Variants in ZNF385D observed in about 807,000 individuals in gnomAD.
The protein encoded by ZNF385D is zinc finger protein 385D.
In ZNF385D, 15 loss-of-function variants were observed where a neutral mutation model predicts 35.8. The ratio of observed to expected loss-of-function variants is 0.42; its 90% CI spans 0.28 to 0.64. The LOEUF is 0.64. ZNF385D is among the 30% of genes least tolerant of loss of function. The probability of loss-of-function intolerance (pLI) is 0.23; values close to 1 mark genes in which losing one functional copy is unlikely to be tolerated. For synonymous variants in ZNF385D, 212 were observed against 186.8 expected, an observed-to-expected ratio of 1.13 and a Z score of -1.10; for missense variants, 474 against 494.6, an observed-to-expected ratio of 0.96 and a Z score of 0.39.
chr3:22,371,946 G>A (rs902947865), intron 2 of ZNF385D, among the ~76,000 whole-genome samples: 3 of 152,084 alleles, frequency 2.0e-5, no homozygotes, highest in African/African-American at 7.2e-5. Context: ...AGAAGAAGAA[G>A]GAAATGAAAA....
intron 3 of ZNF385D, among the ~76,000 whole-genome samples, chr3:22,084,484 C>T (rs932415731): frequency 1.3e-5 from 2 of 152,008 alleles, no homozygotes; most frequent in African/African-American, 4.8e-5. Flanking sequence ...ACAAAGAAGG[C>T]CATTACATAA....
chr3:22,037,743 T>C (rs534150290), intron 3 of ZNF385D, among the ~76,000 whole-genome samples: 407 of 152,246 alleles, frequency 2.7e-3, no homozygotes, highest in Middle Eastern at 0.014. Flanking sequence ...TTGGCTTTTG[T>C]TGTCATTGCT....
At chr3:21,421,538 A>G in intron 7 of ZNF385D, 91 bp from the exon 8 acceptor site, 2 of 786,296 alleles carry the variant, frequency 2.5e-6, no homozygotes, top group African/African-American at 3.5e-5. Flanking sequence ...AAAATATAGC[A>G]GTAAACAACT....
At chr3:22,215,761 C>G (rs1034303970) in intron 2 of ZNF385D, among the ~76,000 whole-genome samples, 1 of 151,848 alleles carries the variant, frequency 6.6e-6, no homozygotes, top group Admixed American at 6.6e-5. Context: ...TTTGTACACA[C>G]CCTCCCCTTT....
At chr3:22,028,247 G>C (rs1288704004) in intron 3 of ZNF385D, among the ~76,000 whole-genome samples, 2 of 152,154 alleles carry the variant, frequency 1.3e-5, no homozygotes, top group African/African-American at 2.4e-5. Flanking sequence ...CTCAGCAGAA[G>C]AGAATTTTAA....
intron 2 of ZNF385D, among the ~76,000 whole-genome samples, chr3:22,301,142 A>G (rs1389687996): frequency 6.6e-6 from 1 of 152,078 alleles, no homozygotes; most frequent in African/African-American, 2.4e-5. Flanking sequence ...AACAGAGATG[A>G]ACCTGGAGGT....
intron 2 of ZNF385D, among the ~76,000 whole-genome samples, chr3:21,652,765 G>A (rs1375588311): frequency 2.0e-5 from 3 of 151,974 alleles, no homozygotes; most frequent in Admixed American, 2.0e-4. Context: ...GAGAATGATG[G>A]TTTCCAGTAG....
intron 3 of ZNF385D, among the ~76,000 whole-genome samples, chr3:22,011,044 G>T (rs577914095): frequency 2.3e-3 from 350 of 152,070 alleles, no homozygotes; most frequent in Non-Finnish European, 4.2e-3. Context: ...ACTCATTAAA[G>T]ACATGATACA....
intron 3 of ZNF385D, among the ~76,000 whole-genome samples, chr3:22,022,207 T>C (rs1697262264): frequency 1.3e-5 from 2 of 152,234 alleles, no homozygotes; most frequent in Admixed American, 6.6e-5. Context: ...AGACAACTTA[T>C]ACAAAGTATA....
At chr3:22,069,709 G>C (rs1344369609) in intron 3 of ZNF385D, among the ~76,000 whole-genome samples, 1 of 151,992 alleles carries the variant, frequency 6.6e-6, no homozygotes, top group African/African-American at 2.4e-5. Context: ...AAGGATTCTG[G>C]GCCCTTTTTT....
chr3:21,583,413 T>A (rs2125710721), intron 2 of ZNF385D, among the ~76,000 whole-genome samples: 1 of 152,304 alleles, frequency 6.6e-6, no homozygotes, highest in Admixed American at 6.5e-5. Flanking sequence ...GTTTTAAAAT[T>A]TTCTTATCAA....
At chr3:21,932,405 G>C (rs1042258863) in intron 3 of ZNF385D, among the ~76,000 whole-genome samples, 2 of 150,384 alleles carry the variant, frequency 1.3e-5, no homozygotes, top group Admixed American at 1.3e-4. Context: ...ACTTAATATG[G>C]GGATAGATTT....
chr3:22,017,963 G>A (rs1046635840), intron 3 of ZNF385D, among the ~76,000 whole-genome samples: 1 of 151,776 alleles, frequency 6.6e-6, no homozygotes, highest in East Asian at 1.9e-4. Context: ...TCTATGTATA[G>A]AAAAGTTAAT....
At chr3:21,658,913 A>G (rs953634953) in intron 2 of ZNF385D, among the ~76,000 whole-genome samples, 16 of 152,072 alleles carry the variant, frequency 1.1e-4, no homozygotes, top group African/African-American at 3.9e-4. Flanking sequence ...TGTAGAGTAC[A>G]CTGTTTAGTT....
At chr3:21,970,896 G>C (rs1029496314) in intron 3 of ZNF385D, among the ~76,000 whole-genome samples, 17 of 152,008 alleles carry the variant, frequency 1.1e-4, no homozygotes, top group Admixed American at 8.5e-4. Flanking sequence ...TACAGGCCAG[G>C]AGAGAGTGGC....
intron 2 of ZNF385D, among the ~76,000 whole-genome samples, chr3:22,228,222 T>C (rs1470919169): frequency 2.0e-5 from 3 of 152,130 alleles, no homozygotes; most frequent in Non-Finnish European, 4.4e-5. Flanking sequence ...CCTACAGAGA[T>C]GTAATGCTAA....
intron 2 of ZNF385D, among the ~76,000 whole-genome samples, chr3:22,266,469 G>T (rs1408766944): frequency 6.6e-6 from 1 of 151,816 alleles, no homozygotes; most frequent in Non-Finnish European, 1.5e-5. Flanking sequence ...CTGGCTGACT[G>T]CTATCTTATT....
chr3:21,928,072 A>C (rs1352632822), intron 3 of ZNF385D, among the ~76,000 whole-genome samples: 1 of 151,898 alleles, frequency 6.6e-6, no homozygotes, highest in Non-Finnish European at 1.5e-5. Context: ...AAAAATAAAA[A>C]AGTTAGCCGG....
At chr3:22,035,757 C>G (rs1179885362) in intron 3 of ZNF385D, among the ~76,000 whole-genome samples, 1 of 152,152 alleles carries the variant, frequency 6.6e-6, no homozygotes, top group Middle Eastern at 3.2e-3. Context: ...GGCTGTGGTT[C>G]ATTCTAAGAT....
Sources: allele counts gnomAD v4.1 joint callset (sites outside exome capture counted in the v4.1 genomes callset), GRCh38; gene constraint gnomAD v4.1.1; transcripts MANE v1.5; gene names NCBI Gene and HGNC (gene_info 2026-07-23, HGNC 2026-07-21).